The following PRKG1 variants were observed in gnomAD, a reference collection of about 807,000 sequenced individuals.
The protein encoded by PRKG1 is protein kinase cGMP-dependent 1.
PRKG1 carries 35 observed loss-of-function variants against 88.1 expected under a neutral mutation model. The ratio of observed to expected loss-of-function variants is 0.40; its 90% confidence interval spans 0.30 to 0.53. The LOEUF is 0.53. PRKG1 is among the 20% of genes least tolerant of loss of function. The pLI, the probability that PRKG1 is intolerant of heterozygous loss-of-function variation, is 0.59. For missense variants in PRKG1, 540 were observed against 839.8 expected (o/e 0.64, Z 4.41); for synonymous variants, 303 against 292.5 (o/e 1.04, Z -0.37).
At chr10:51,055,832 C>G (rs182383131) in intron 1 of PRKG1, among the ~76,000 whole-genome samples, 71 of 152,260 alleles carry the variant, frequency 4.7e-4, no homozygotes, top group African/African-American at 1.6e-3. Context: ...CAACTGCTCT[C>G]CTCTCTCTCC....
chr10:51,562,360 T>C (rs1428450744), intron 3 of PRKG1, among the ~76,000 whole-genome samples: 1 of 152,134 alleles, frequency 6.6e-6, no homozygotes, highest in Non-Finnish European at 1.5e-5. Flanking sequence ...TTAAACTGAG[T>C]AGTTCTTATA....
rs138084227 is a variant in PRKG1 at position 51,623,339 on chromosome 10, C to A, written c.592+155503C>A. Among the ~76,000 whole-genome samples the A allele has an allele frequency of 8.8e-4, 134 of 152,254 alleles. 1 individual carries two copies. The highest frequency in any genetic ancestry group is 2.9e-3 in the African/African-American group (121 of 41,568). ...CTTCAGCCTCCCAAGTAGCTGGGAC[C>A]ACAGGCATGTGCCGCCATGACTGGC... On this transcript the variant is annotated intron_variant, in intron 3 of 17. Coordinates refer to ENST00000373980, the MANE Select transcript of PRKG1 (RefSeq NM_006258.4).
intron 2 of PRKG1, among the ~76,000 whole-genome samples, chr10:51,193,421 A>G (rs1003546616): frequency 1.3e-5 from 2 of 151,984 alleles, no homozygotes; most frequent in African/African-American, 4.8e-5. Context: ...GTTATTATAT[A>G]TATAATAATG....
rs1843014428 is a variant in PRKG1, at chr10:51,013,183, C to A, written c.266+21539C>A. Among the ~76,000 whole-genome samples the A allele has an allele frequency of 2.0e-5, 3 of 151,990 alleles. 1 individual carries two copies. In the South Asian group the frequency reaches 6.2e-4, roughly 32 times the overall value. ...ATTACTTTTTACACTTATTTTTCATCTGCAAAATGGTTTATGAAAAATATA... is the reference window on the plus strand; with the variant it reads ...ATTACTTTTTACACTTATTTTTCATATGCAAAATGGTTTATGAAAAATATA... On this transcript the variant is annotated intron_variant, in intron 1 of 17. Coordinates refer to the PRKG1 transcript ENST00000401604.
chr10:52,141,193 T>C (rs986748670), intron 8 of PRKG1, among the ~76,000 whole-genome samples: 28 of 152,052 alleles, frequency 1.8e-4, no homozygotes, highest in African/African-American at 6.8e-4. Context: ...AATCTAGAGG[T>C]TTAGAAGAAA....
intron 9 of PRKG1, among the ~76,000 whole-genome samples, chr10:52,244,544 C>T (rs1268656547): frequency 6.6e-6 from 1 of 151,232 alleles, no homozygotes; most frequent in East Asian, 1.9e-4. Context: ...AATGAGGCAA[C>T]AGTCCCTGTA....
intron 3 of PRKG1, among the ~76,000 whole-genome samples, chr10:51,607,021 T>G (rs1300459520): frequency 1.3e-5 from 2 of 152,100 alleles, no homozygotes; most frequent in East Asian, 1.9e-4. Context: ...AAGAGAACCC[T>G]AGTGTGTGTG....
At chr10:51,962,926 TTTATC>T (rs1843481360) in intron 5 of PRKG1, among the ~76,000 whole-genome samples, 1 of 152,186 alleles carries the variant, frequency 6.6e-6, no homozygotes, top group South Asian at 2.1e-4. Context: ...ATGGAGTAGG[TTTATC>T]TTAACTATTT....
At chr10:51,813,793 T>G (rs1473646146) in intron 4 of PRKG1, among the ~76,000 whole-genome samples, 9 of 152,102 alleles carry the variant, frequency 5.9e-5, no homozygotes, top group Non-Finnish European at 1.3e-4. Flanking sequence ...GTACCTGGGT[T>G]TCCTATTCAC....
chr10:52,251,939 G>T (rs1322751615), intron 10 of PRKG1: 2 of 260,008 alleles, frequency 7.7e-6, no homozygotes, highest in African/African-American at 2.2e-5. Context: ...ACTTAAAGAA[G>T]AGTCATTAAG....
At chr10:51,057,161 A>G (rs1363270080) in intron 1 of PRKG1, among the ~76,000 whole-genome samples, 1 of 152,238 alleles carries the variant, frequency 6.6e-6, no homozygotes, top group Non-Finnish European at 1.5e-5. Context: ...GTGTGTATAT[A>G]CACACACATA....
intron 2 of PRKG1, among the ~76,000 whole-genome samples, chr10:51,164,028 G>A (rs59250902): frequency 0.047 from 7,157 of 152,242 alleles, 560 homozygotes; most frequent in African/African-American, 0.16. Context: ...CTGCCTAACA[G>A]CTTTGAAGAG....
chr10:51,589,353 G>C (rs1488957184), intron 3 of PRKG1, among the ~76,000 whole-genome samples: 1 of 152,226 alleles, frequency 6.6e-6, no homozygotes, highest in Non-Finnish European at 1.5e-5. Context: ...CCCAGGCACA[G>C]TGGCTCACAG....
At chr10:51,996,896 A>G (rs1844459873) in intron 5 of PRKG1, among the ~76,000 whole-genome samples, 1 of 152,224 alleles carries the variant, frequency 6.6e-6, no homozygotes, top group African/African-American at 2.4e-5. Context: ...ATGTTCATCA[A>G]GGGATGAATG....
At chr10:51,533,175 A>T (rs1473634413) in intron 3 of PRKG1, among the ~76,000 whole-genome samples, 5 of 152,226 alleles carry the variant, frequency 3.3e-5, no homozygotes, top group Admixed American at 3.3e-4. Flanking sequence ...AATCAGTACA[A>T]TTGAAACTTT....
intron 2 of PRKG1, among the ~76,000 whole-genome samples, chr10:51,353,612 G>A (rs1380625146): frequency 6.6e-6 from 1 of 152,156 alleles, no homozygotes; most frequent in East Asian, 1.9e-4. Flanking sequence ...TCTCACCTCA[G>A]TTAAAATGGC....
chr10:51,771,460 T>C (rs1838303163), intron 3 of PRKG1, among the ~76,000 whole-genome samples: 1 of 152,236 alleles, frequency 6.6e-6, no homozygotes, highest in African/African-American at 2.4e-5. Context: ...CACTGCATTT[T>C]CATGTTTTAC....
intron 3 of PRKG1, among the ~76,000 whole-genome samples, chr10:51,784,097 G>C (rs952298663): frequency 2.0e-5 from 3 of 152,012 alleles, no homozygotes; most frequent in Non-Finnish European, 4.4e-5. Context: ...TTGGTTGACT[G>C]ATATGTTCTT....
chr10:52,224,430 A>C (rs993892509), intron 9 of PRKG1, among the ~76,000 whole-genome samples: 2 of 151,412 alleles, frequency 1.3e-5, no homozygotes, highest in African/African-American at 4.9e-5. Context: ...AGTACCCTTT[A>C]TTTGTTTAAT....
Sources: allele counts gnomAD v4.1 joint callset (sites outside exome capture counted in the v4.1 genomes callset), GRCh38; gene constraint gnomAD v4.1.1; transcripts MANE v1.5; gene names NCBI Gene and HGNC (gene_info 2026-07-23, HGNC 2026-07-21).